The following LRRC20 variants were observed in gnomAD, a reference collection of about 807,000 sequenced individuals.
LRRC20 encodes the protein leucine rich repeat containing 20, also known as leucine-rich repeat-containing protein 20.
Under a neutral mutation model 14.4 loss-of-function variants are expected in LRRC20, and 11 were observed. That is an observed-to-expected ratio of 0.77 (90% CI 0.48 to 1.27). The LOEUF (loss-of-function observed/expected upper bound fraction) is 1.27. LRRC20 is among the 50% of genes most tolerant of loss of function. LRRC20 has a pLI of 0.00. For synonymous variants in LRRC20, 121 were observed against 107.3 expected, an observed-to-expected ratio of 1.13 and a Z score of -0.79; for missense variants, 219 against 251.2, an observed-to-expected ratio of 0.87 and a Z score of 0.87.
At chr10:70,311,003 G>A (rs1229484735) in intron 4 of LRRC20, among the ~76,000 whole-genome samples, 1 of 152,140 alleles carries the variant, frequency 6.6e-6, no homozygotes, top group African/African-American at 2.4e-5. Context: ...ACTGTTTAAT[G>A]TGTTTGTGTA....
intron 2 of LRRC20, among the ~76,000 whole-genome samples, chr10:70,355,664 AGCACT>A (rs1474417044): frequency 1.3e-5 from 2 of 152,316 alleles, no homozygotes; most frequent in East Asian, 3.9e-4. Context: ...GAGTTTTACA[AGCACT>A]TAATGACTTC....
chr10:70,335,088 C>T (rs190004113), intron 3 of LRRC20, among the ~76,000 whole-genome samples: 11 of 152,304 alleles, frequency 7.2e-5, no homozygotes, highest in African/African-American at 2.2e-4. Context: ...GAGGAAACCA[C>T]ACTTCTTCCC....
intron 3 of LRRC20, among the ~76,000 whole-genome samples, chr10:70,335,144 GAAC>G: frequency 6.6e-6 from 1 of 152,194 alleles, no homozygotes; most frequent in Non-Finnish European, 1.5e-5. Context: ...ACAGTGTAAA[GAAC>G]ACACACTTGG....
rs149844755 is a variant in LRRC20 at position 70,323,945 on chromosome 10, C to T, written c.318G>A (p.Arg106=). 50 of 1,614,076 alleles carry T rather than the reference C, an allele frequency of 3.1e-5. No homozygotes were observed. In the South Asian group the frequency reaches 4.9e-4, roughly 16 times the overall value. ...LQHLKAIDLS[R]NQFQDFPEQL... ...GCTCAGGGAAGTCCTGGAACTGGTT[C>T]CGGGACAGGTCAATGGCCTTGAGGT... Residue 106 remains arginine, a synonymous_variant, in exon 4 of 5, where the codon CGG becomes CGA. Coordinates refer to ENST00000446961, the MANE Select transcript of LRRC20 (RefSeq NM_001278212.2).
At chr10:70,327,313 G>A (rs954740583) in intron 3 of LRRC20, among the ~76,000 whole-genome samples, 2 of 152,160 alleles carry the variant, frequency 1.3e-5, no homozygotes, top group African/African-American at 2.4e-5. Context: ...AGTGGCTCAC[G>A]CCTGTAATCC....
intron 4 of LRRC20, among the ~76,000 whole-genome samples, chr10:70,309,087 T>G (rs1326696207): frequency 6.6e-6 from 1 of 152,202 alleles, no homozygotes; most frequent in Non-Finnish European, 1.5e-5. Context: ...GTTGCAGCCA[T>G]TCCCCAGCGG....
intron 2 of LRRC20, among the ~76,000 whole-genome samples, chr10:70,373,109 CAA>C (rs11356424): frequency 0.17 from 25,249 of 150,414 alleles, 2,299 homozygotes; most frequent in South Asian, 0.3. Context: ...GACTCCATCT[CAA>C]AAAAAAAAAG....
chr10:70,342,766 C>G (rs1247642742), intron 2 of LRRC20, among the ~76,000 whole-genome samples: 3 of 152,186 alleles, frequency 2.0e-5, no homozygotes, highest in Non-Finnish European at 4.4e-5. Flanking sequence ...TCCAGGCCAG[C>G]TTCCATCTCA....
In LRRC20 at chr10:70,300,470, G is replaced by A; in HGVS notation, c.*884C>T. 1 of 985,510 alleles carries A rather than the reference G, an allele frequency of 1.0e-6. No individual in the cohort carries two copies. 61.0% of individuals were successfully genotyped at this position (985,510 alleles called of 1,614,324 possible). On this transcript the variant is annotated 3_prime_UTR_variant, in exon 5 of 5. Transcript: ENST00000446961. ...TCCACATCGCCTTCTGCCCCCAGGA[G>A]GCCATGACAAGGCAGCCAGGCTGCT...
intron 4 of LRRC20, among the ~76,000 whole-genome samples, chr10:70,307,373 T>C (rs1841464848): frequency 6.6e-6 from 1 of 152,248 alleles, no homozygotes; most frequent in Admixed American, 6.5e-5. Context: ...CTGATTGCTC[T>C]GTCAATGAAT....
chr10:70,344,713 C>T (rs569225385), intron 2 of LRRC20, among the ~76,000 whole-genome samples: 85 of 152,204 alleles, frequency 5.6e-4, no homozygotes, highest in African/African-American at 1.9e-3. Flanking sequence ...ACTACAGGCA[C>T]GTGCCATCAA....
chr10:70,313,632 A>G (rs1308548289), intron 4 of LRRC20, among the ~76,000 whole-genome samples: 1 of 152,222 alleles, frequency 6.6e-6, no homozygotes, highest in Non-Finnish European at 1.5e-5. Flanking sequence ...ACCTTAAAAC[A>G]AAGACAATAC....
At chr10:70,338,227 CT>C (rs1176903317) in intron 3 of LRRC20, among the ~76,000 whole-genome samples, 3 of 152,106 alleles carry the variant, frequency 2.0e-5, no homozygotes, top group African/African-American at 2.4e-5. Context: ...GCATGGTGGC[CT>C]TTCCAAGTCC....
At chr10:70,372,464 T>TG (rs1248297656) in intron 2 of LRRC20, among the ~76,000 whole-genome samples, 2 of 136,084 alleles carry the variant, frequency 1.5e-5, no homozygotes, top group Non-Finnish European at 3.1e-5. Flanking sequence ...TTTTTTGAGA[T>TG]GGAGTCTCAC....
intron 2 of LRRC20, among the ~76,000 whole-genome samples, chr10:70,347,319 C>G (rs191404915): frequency 6.6e-6 from 1 of 152,264 alleles, no homozygotes; most frequent in East Asian, 1.9e-4. Context: ...GGGACCACCA[C>G]TCCCCACAGT....
intron 2 of LRRC20, among the ~76,000 whole-genome samples, chr10:70,352,609 A>G (rs997144091): frequency 4.6e-5 from 7 of 152,172 alleles, no homozygotes; most frequent in African/African-American, 7.2e-5. Context: ...AGGTTCACCA[A>G]TTGTAGTAAA....
In LRRC20 at chr10:70,335,418, G is replaced by A. The variant is rs181222743; in HGVS notation, c.232+5135C>T. On this transcript the variant is annotated intron_variant, in intron 3 of 4. Coordinates refer to ENST00000446961, the MANE Select transcript of LRRC20 (RefSeq NM_001278212.2). ...CCCGCGCCCACACACAGCTGCTCCC[G>A]ACCAACCAAAGCCGCTCCCCTGCCC... 1.2e-3 allele frequency among the ~76,000 whole-genome samples: 177 copies of A among 152,256 alleles called. 2 individuals carry two copies. The highest frequency in any genetic ancestry group is 2.4e-4 in the Non-Finnish European group (16 of 68,026).
intron 2 of LRRC20, among the ~76,000 whole-genome samples, chr10:70,369,497 A>G (rs1382138080): frequency 6.6e-6 from 1 of 151,818 alleles, no homozygotes; most frequent in Non-Finnish European, 1.5e-5. Flanking sequence ...ACAACAAAAC[A>G]CTTAAAAACA....
intron 2 of LRRC20, among the ~76,000 whole-genome samples, chr10:70,355,476 G>A (rs540632159): frequency 2.0e-5 from 3 of 152,270 alleles, no homozygotes; most frequent in East Asian, 1.9e-4. Context: ...AAGTCCCACC[G>A]CAATAGCACA....
Sources: allele counts gnomAD v4.1 joint callset (sites outside exome capture counted in the v4.1 genomes callset), GRCh38; gene constraint gnomAD v4.1.1; transcripts MANE v1.5; gene names NCBI Gene and HGNC (gene_info 2026-07-23, HGNC 2026-07-21).